The following DSE variants were observed in gnomAD, a reference collection of about 807,000 sequenced individuals.
DSE encodes dermatan-sulfate epimerase.
DSE carries 36 observed loss-of-function variants against 84.4 expected under a neutral mutation model. That is an observed-to-expected ratio of 0.43 (90% confidence interval 0.33 to 0.56). The LOEUF is 0.56. Ranked by LOEUF, DSE falls within the 20% of genes least tolerant of loss-of-function variation. The pLI is 0.06. For missense variants in DSE, 862 were observed against 1,169.6 expected, an observed-to-expected ratio of 0.74 and a Z score of 3.84; for synonymous variants, 410 against 430.1, an observed-to-expected ratio of 0.95 and a Z score of 0.58.
At chr6:116,368,373 T>C (rs555478482), upstream of DSE, among the ~76,000 whole-genome samples, 35 of 152,300 alleles carry the variant, frequency 2.3e-4, no homozygotes, top group South Asian at 4.1e-3. Flanking sequence ...AATGATGGCA[T>C]GGCATACAGA....
chr6:116,410,670 CTTACAGT>C (rs1044210777), intron 2 of DSE, among the ~76,000 whole-genome samples: 22 of 141,228 alleles, frequency 1.6e-4, no homozygotes, highest in Non-Finnish European at 3.0e-4. Context: ...GGAGGCAGAG[CTTACAGT>C]GAGCCAAGAT....
intron 2 of DSE, among the ~76,000 whole-genome samples, chr6:116,343,549 T>C (rs1039380670): frequency 1.3e-5 from 2 of 152,194 alleles, no homozygotes; most frequent in African/African-American, 4.8e-5. Context: ...GGAGTGGACC[T>C]CTAGCAAACT....
At chr6:116,370,912 GC>G, upstream of DSE, 5 of 985,294 alleles carry the variant, frequency 5.1e-6, no homozygotes, top group Non-Finnish European at 6.0e-6. Flanking sequence ...CGCCCCTTTC[GC>G]CCACACCTAC....
intron 2 of DSE, among the ~76,000 whole-genome samples, chr6:116,343,013 C>T (rs1009811300): frequency 3.3e-5 from 5 of 152,072 alleles, no homozygotes; most frequent in African/African-American, 9.7e-5. Flanking sequence ...TGCCTGGCTC[C>T]GAGGGTCCCA....
intron 2 of DSE, among the ~76,000 whole-genome samples, chr6:116,403,876 A>G (rs1461627616): frequency 6.6e-6 from 1 of 152,152 alleles, no homozygotes; most frequent in Admixed American, 6.5e-5. Flanking sequence ...TTTACACCAG[A>G]CTGACCTGAG....
At chr6:116,327,804 A>G (rs1462897435) in intron 2 of DSE, among the ~76,000 whole-genome samples, 2 of 152,202 alleles carry the variant, frequency 1.3e-5, no homozygotes, top group Non-Finnish European at 2.9e-5. Flanking sequence ...TGAAACCATT[A>G]TGTGTGTTAC....
intron 2 of DSE, among the ~76,000 whole-genome samples, chr6:116,345,555 G>T (rs1777903762): frequency 6.6e-6 from 1 of 152,142 alleles, no homozygotes; most frequent in South Asian, 2.1e-4. Context: ...AAATAAAGAT[G>T]TTCTTTGAAA....
At chr6:116,431,403 A>T (rs531162741) in intron 4 of DSE, among the ~76,000 whole-genome samples, 1 of 152,194 alleles carries the variant, frequency 6.6e-6, no homozygotes, top group Non-Finnish European at 1.5e-5. Flanking sequence ...TGATTTAGGT[A>T]TTATAAAGTT....
intron 1 of DSE, among the ~76,000 whole-genome samples, chr6:116,371,956 A>C (rs1218218980): frequency 6.6e-6 from 1 of 152,176 alleles, no homozygotes. Flanking sequence ...CAGGAGGTGA[A>C]CCTCACTTAC....
At chr6:116,396,514 T>G (rs1781258323) in intron 1 of DSE, among the ~76,000 whole-genome samples, 1 of 152,178 alleles carries the variant, frequency 6.6e-6, no homozygotes, top group East Asian at 1.9e-4. Context: ...TGACGGAAAT[T>G]AATATTTTAA....
At chr6:116,432,134 G>A (rs9374601) in intron 4 of DSE, among the ~76,000 whole-genome samples, 43,587 of 152,128 alleles carry the variant, frequency 0.29, 7,857 homozygotes, top group Middle Eastern at 0.44. Flanking sequence ...TAGACATGCA[G>A]GAGAGGCCTG....
At chr6:116,397,203 CTTTCT>C (rs1298520449) in intron 1 of DSE, among the ~76,000 whole-genome samples, 1 of 124,202 alleles carries the variant, frequency 8.1e-6, no homozygotes, top group Non-Finnish European at 1.7e-5. Context: ...TATTCTCTTT[CTTTCT>C]TTTTTTTTTT....
chr6:116,366,719 T>C (rs1188719515), upstream of DSE: 1 of 152,348 alleles, frequency 6.6e-6, no homozygotes, highest in East Asian at 1.9e-4. Context: ...CCAAGTGGTT[T>C]AGTGGAAGGA....
At chr6:116,413,707 A>G (rs185480414) in intron 2 of DSE, among the ~76,000 whole-genome samples, 40 of 152,338 alleles carry the variant, frequency 2.6e-4, no homozygotes, top group African/African-American at 9.4e-4. Flanking sequence ...TCAAATTATC[A>G]AAGAAAATTA....
At chr6:116,304,661 G>A (rs1048186429) in intron 2 of DSE, among the ~76,000 whole-genome samples, 1 of 152,202 alleles carries the variant, frequency 6.6e-6, no homozygotes, top group Admixed American at 6.5e-5. Flanking sequence ...AGCACTGTGT[G>A]CTTCTGGTGC....
At chr6:116,410,815 G>A (rs17255966) in intron 2 of DSE, among the ~76,000 whole-genome samples, 43,054 of 149,130 alleles carry the variant, frequency 0.29, 7,236 homozygotes, top group Middle Eastern at 0.38. Context: ...GTCAAACCAG[G>A]AAGTCAAGTA....
At chr6:116,319,872 G>A (rs1236675385) in intron 2 of DSE, among the ~76,000 whole-genome samples, 27 of 152,058 alleles carry the variant, frequency 1.8e-4, no homozygotes, top group Non-Finnish European at 2.9e-5. Flanking sequence ...TTGCACTTCT[G>A]TTCAGTCTAC....
At chr6:116,301,073 G>C (rs1026609885) in intron 2 of DSE, among the ~76,000 whole-genome samples, 7 of 151,296 alleles carry the variant, frequency 4.6e-5, no homozygotes, top group Non-Finnish European at 1.0e-4. Flanking sequence ...AAGAGATAGA[G>C]AGTTCTTTGG....
At position 116,360,384 on chromosome 6, in the gene DSE, C is replaced by T. The variant is rs192384451; in HGVS notation, c.-53-38814C>T. 1.0e-3 allele frequency among the ~76,000 whole-genome samples: 152 copies of T among 152,246 alleles called. 1 individual carries two copies. The highest frequency in any genetic ancestry group is 3.6e-3 in the African/African-American group (149 of 41,526). ...GAAAAAGGTAAGGAATATTTATCTG[C>T]ATCTGCATCTGGAAAAAAAGTCATA... On this transcript the variant is annotated intron_variant, in intron 2 of 3. Coordinates refer to the DSE transcript ENST00000430252.
Sources: allele counts gnomAD v4.1 joint callset (sites outside exome capture counted in the v4.1 genomes callset), GRCh38; gene constraint gnomAD v4.1.1; transcripts MANE v1.5; gene names NCBI Gene and HGNC (gene_info 2026-07-23, HGNC 2026-07-21).